VRK2: variants seen among roughly 807,000 people sequenced by gnomAD.
VRK2 encodes the protein VRK serine/threonine kinase 2.
VRK2 carries 60 observed loss-of-function variants against 57.6 expected under a neutral mutation model. The ratio of observed to expected loss-of-function variants is 1.04; its 90% CI spans 0.85 to 1.29. The LOEUF (loss-of-function observed/expected upper bound fraction) is 1.29. Ranked by LOEUF, VRK2 falls within the 50% of genes most tolerant of loss-of-function variation. The pLI, the probability that VRK2 is intolerant of heterozygous loss-of-function variation, is 0.00. For synonymous variants in VRK2, 231 were observed against 199.2 expected, an observed-to-expected ratio of 1.16 and a Z score of -1.35; for missense variants, 705 against 588.1, an observed-to-expected ratio of 1.20 and a Z score of -2.06.
intron 1 of VRK2, among the ~76,000 whole-genome samples, chr2:58,021,816 T>C (rs1001230532): frequency 1.3e-5 from 2 of 152,226 alleles, no homozygotes; most frequent in African/African-American, 4.8e-5. Flanking sequence ...TTATATAGTA[T>C]TAACTTTGTA....
intron 7 of VRK2, among the ~76,000 whole-genome samples, chr2:58,120,819 C>G (rs1677385391): frequency 6.6e-6 from 1 of 152,064 alleles, no homozygotes; most frequent in Non-Finnish European, 1.5e-5. Flanking sequence ...GCCTTAGTAC[C>G]AATTAGCAAA....
intron 1 of VRK2, among the ~76,000 whole-genome samples, chr2:58,007,460 C>A (rs1673283020): frequency 6.6e-6 from 1 of 151,826 alleles, no homozygotes; most frequent in African/African-American, 2.4e-5. Flanking sequence ...CTCCTCCTCC[C>A]CACCCTACAT....
chr2:57,987,753 C>T (rs1437284324), intron 1 of VRK2, among the ~76,000 whole-genome samples: 2 of 152,040 alleles, frequency 1.3e-5, no homozygotes, highest in Admixed American at 6.6e-5. Flanking sequence ...TTATATGTCC[C>T]TTGGCTAGGA....
intron 1 of VRK2, among the ~76,000 whole-genome samples, chr2:57,945,137 A>G (rs1671221513): frequency 6.6e-6 from 1 of 152,198 alleles, no homozygotes; most frequent in Non-Finnish European, 1.5e-5. Flanking sequence ...CACATATAAA[A>G]TTTCCAAGAA....
chr2:57,940,866 C>T (rs1448194516), intron 1 of VRK2, among the ~76,000 whole-genome samples: 1 of 151,616 alleles, frequency 6.6e-6, no homozygotes, highest in Non-Finnish European at 1.5e-5. Context: ...TATACTAGAA[C>T]TCATCTGCAT....
At chr2:58,110,951 A>G (rs13011711) in intron 7 of VRK2, among the ~76,000 whole-genome samples, 49,821 of 151,988 alleles carry the variant, frequency 0.33, 9,082 homozygotes, top group East Asian at 0.44. Flanking sequence ...CTTGGTGCAC[A>G]CGCTGTGGTA....
At chr2:58,075,575 C>T (rs1669984580) in intron 2 of VRK2, among the ~76,000 whole-genome samples, 1 of 152,110 alleles carries the variant, frequency 6.6e-6, no homozygotes, top group Admixed American at 6.6e-5. Context: ...TAATAATAGT[C>T]ATCCTGACTG....
chr2:58,092,482 C>T (rs1672515511), intron 7 of VRK2, among the ~76,000 whole-genome samples: 1 of 152,152 alleles, frequency 6.6e-6, no homozygotes, highest in South Asian at 2.1e-4. Context: ...GCTAAGCATT[C>T]ACATACAGCC....
In VRK2 at chr2:58,123,101, G is replaced by T. The variant is rs941482762; in HGVS notation, c.544G>T (p.Val182Phe). ...TCATTTGTCTGTGCTTGTCTTCCAGGTTTATCTTGCAGATTATGGACTTTC... is the reference window on the plus strand; with the variant it reads ...TCATTTGTCTGTGCTTGTCTTCCAGTTTTATCTTGCAGATTATGGACTTTC... Reference protein sequence around the residue: ...LLLGYKNPDQVYLADYGLSYR... With the variant: ...LLLGYKNPDQFYLADYGLSYR... The change falls in exon 8 of 13, where the codon GTT becomes TTT. Residue 182 changes from valine (V) to phenylalanine (F), a missense_variant and splice_region_variant. Coordinates refer to ENST00000340157, the MANE Select transcript of VRK2 (RefSeq NM_006296.7). The T allele has an allele frequency of 8.8e-6, 14 of 1,597,462 alleles. No homozygotes were observed. Among genetic ancestry groups the T allele is most frequent in the Non-Finnish European group, 1.2e-5 (14 of 1,175,318 alleles).
At position 58,088,397 on chromosome 2, in the gene VRK2, A is replaced by G; in HGVS notation, c.401A>G (p.Gln134Arg). Residue 134 changes from glutamine to arginine, a missense_variant, in exon 6 of 13, where the codon CAG (glutamine) becomes CGG (arginine). Gln to Arg is a conservative substitution (Grantham distance 43). Transcript: ENST00000340157. Reference sequence around the variant, plus strand: ...ATAGATTTACAGAAGATCTCAGGCCAGAATGGTACCTTTAAAAAGTCAACT... The same window carrying G: ...ATAGATTTACAGAAGATCTCAGGCCGGAATGGTACCTTTAAAAAGTCAACT... ...LGIDLQKISG[Q>R]NGTFKKSTVL... is the part of the protein sequence containing the mutation. The G allele has an allele frequency of 6.2e-7, 1 of 1,613,628 alleles. No individual in the cohort carries two copies. Among genetic ancestry groups the G allele is most frequent in the South Asian group, 1.1e-5 (1 of 91,002 alleles).
At chr2:58,085,747 C>G (rs189295916) in intron 4 of VRK2, among the ~76,000 whole-genome samples, 1 of 151,650 alleles carries the variant, frequency 6.6e-6, no homozygotes, top group African/African-American at 2.4e-5. Flanking sequence ...ATCCATTAAA[C>G]TTGATTGTTT....
At chr2:57,990,131 T>C (rs776313294) in intron 1 of VRK2, among the ~76,000 whole-genome samples, 2 of 152,200 alleles carry the variant, frequency 1.3e-5, no homozygotes, top group Non-Finnish European at 2.9e-5. Context: ...TCCTCTGGCA[T>C]AGTCATGTCA....
intron 1 of VRK2, among the ~76,000 whole-genome samples, chr2:57,947,514 C>G (rs1671298481): frequency 6.6e-6 from 1 of 152,144 alleles, no homozygotes; most frequent in Admixed American, 6.6e-5. Context: ...TGGCAGACCA[C>G]TGGCAGTGGA....
chr2:57,989,943 T>G (rs1672711861), intron 1 of VRK2, among the ~76,000 whole-genome samples: 1 of 152,094 alleles, frequency 6.6e-6, no homozygotes, highest in Non-Finnish European at 1.5e-5. Context: ...AAATGAGAAG[T>G]TTAAAGTTCA....
chr2:58,087,328 C>T (rs926449708), intron 5 of VRK2, among the ~76,000 whole-genome samples: 2 of 152,144 alleles, frequency 1.3e-5, no homozygotes, highest in Non-Finnish European at 2.9e-5. Flanking sequence ...AGGACTGCCA[C>T]TGGGGGACTG....
chr2:58,031,096 A>G (rs1674097315), intron 2 of VRK2, among the ~76,000 whole-genome samples: 1 of 152,044 alleles, frequency 6.6e-6, no homozygotes, highest in Non-Finnish European at 1.5e-5. Flanking sequence ...GACCCACAGA[A>G]TATGTGAGTA....
intron 12 of VRK2, among the ~76,000 whole-genome samples, chr2:58,150,962 A>T (rs973753849): frequency 6.6e-6 from 1 of 151,544 alleles, no homozygotes; most frequent in Non-Finnish European, 1.5e-5. Context: ...ATTGATTTCT[A>T]ATTTAATTTT....
rs1020465191 is a variant in VRK2 at position 58,137,242 on chromosome 2, C to G, written c.856+2043C>G. Among the ~76,000 whole-genome samples, 16 of 119,030 alleles carry G rather than the reference C, an allele frequency of 1.3e-4. No homozygotes were observed. In the East Asian group the frequency reaches 1.4e-3, roughly 11 times the overall value. 78.1% of individuals were successfully genotyped at this position (119,030 alleles called of 152,430 possible). ...TATATATCATATGATACATATATATCATATATATGATATATATGATATATA... is the reference window on the plus strand; with the variant it reads ...TATATATCATATGATACATATATATGATATATATGATATATATGATATATA... On this transcript the variant is annotated intron_variant, in intron 10 of 12. Transcript: ENST00000340157.
chr2:58,090,260 G>C (rs924654696), intron 7 of VRK2, among the ~76,000 whole-genome samples: 14 of 152,044 alleles, frequency 9.2e-5, no homozygotes, highest in African/African-American at 2.4e-5. Flanking sequence ...GCTGGGTGTG[G>C]TGGTGGGTGC....
Sources: gnomAD v4.1 joint callset for allele counts (sites outside exome capture counted in the v4.1 genomes callset) on GRCh38, gnomAD v4.1.1 for gene constraint, MANE v1.5 for transcripts, NCBI Gene and HGNC (gene_info 2026-07-23, HGNC 2026-07-21) for gene names.